Variants in PPP2R5A observed in about 807,000 individuals in gnomAD.
PPP2R5A encodes the protein serine/threonine-protein phosphatase 2A 56 kDa regulatory subunit alpha isoform.
Under a neutral mutation model 64.2 loss-of-function variants are expected in PPP2R5A, and 25 were observed. That is an observed-to-expected ratio of 0.39 (90% CI 0.28 to 0.54). The LOEUF is 0.54. Ranked by LOEUF, PPP2R5A falls within the 20% of genes least tolerant of loss-of-function variation. PPP2R5A has a pLI of 0.67. For synonymous variants in PPP2R5A, 198 were observed against 201.2 expected, an observed-to-expected ratio of 0.98 and a Z score of 0.13; for missense variants, 425 against 576.3, an observed-to-expected ratio of 0.74 and a Z score of 2.69.
Position 212,360,765 on chromosome 1 carries a change from G to A in PPP2R5A, c.1456G>A (p.Glu486Lys), listed in dbSNP as rs752977429. 2.1e-5 allele frequency: 31 copies of A among 1,510,866 alleles called. No individual in the cohort carries two copies. Among genetic ancestry groups the A allele is most frequent in the African/African-American group, 1.1e-4 (8 of 69,880 alleles). 93.6% of individuals were successfully genotyped at this position (1,510,866 alleles called of 1,614,324 possible). Residue 486 changes from glutamate (E) to lysine (K), a missense_variant, in exon 13 of 13, where the codon GAA (glutamate) becomes AAA (lysine). Physicochemically the swap from Glu to Lys is moderately conservative, Grantham distance 56. Around this residue, in one of 4 missense-constraint regions of PPP2R5A, gnomAD observed 177 missense variants for 244.8 expected, o/e 0.72. Transcript: ENST00000261461. Reference protein sequence around the residue: ...MHSILSNTSAE With the variant: ...MHSILSNTSAK ...CAGTATTCTCAGCAATACAAGTGCC[G>A]AATAAAAAAAAAGCCTCCCACCTCT...
intron 1 of PPP2R5A, among the ~76,000 whole-genome samples, chr1:212,287,812 GA>G (rs1290360346): frequency 6.6e-6 from 1 of 151,920 alleles, no homozygotes; most frequent in Non-Finnish European, 1.5e-5. Flanking sequence ...TTATACTACT[GA>G]TTTTTTTTCT....
Position 212,333,993 on chromosome 1 carries a change from C to T in PPP2R5A, c.480+395C>T, listed in dbSNP as rs144201565. On this transcript the variant is annotated intron_variant, in intron 3 of 12. Transcript: ENST00000261461. ...ATCTGCTTTCTGTCTCTGGATTTGCCTATTTTGGATACTTCATATAAGTGA... is the reference window on the plus strand; with the variant it reads ...ATCTGCTTTCTGTCTCTGGATTTGCTTATTTTGGATACTTCATATAAGTGA... 109 of 156,714 alleles carry T rather than the reference C, an allele frequency of 7.0e-4. 2 individuals carry two copies. The highest frequency in any genetic ancestry group is 2.5e-3 in the African/African-American group (106 of 41,742). The allele number at this position is 156,714 out of a possible 1,614,324, so 9.7% of individuals were successfully genotyped here.
At chr1:212,341,033 G>A (rs1659677003) in intron 3 of PPP2R5A, among the ~76,000 whole-genome samples, 2 of 152,064 alleles carry the variant, frequency 1.3e-5, no homozygotes, top group South Asian at 4.1e-4. Flanking sequence ...AATTGATATA[G>A]TATTGTTTAA....
intron 1 of PPP2R5A, among the ~76,000 whole-genome samples, chr1:212,325,060 ATATT>A (rs1357911336): frequency 1.3e-5 from 2 of 152,128 alleles, no homozygotes; most frequent in Admixed American, 6.6e-5. Context: ...CATCAAATAA[ATATT>A]TATTAACTCC....
rs534511713 is a variant in PPP2R5A, at chr1:212,347,169, T to A, written c.705-178T>A. ...CATATGTAGTTCAGTAGGAAACATCTTCTTTTTTAAGATTGATATGAATTA... is the reference window on the plus strand; with the variant it reads ...CATATGTAGTTCAGTAGGAAACATCATCTTTTTTAAGATTGATATGAATTA... On this transcript the variant is annotated intron_variant, in intron 5 of 12. Coordinates refer to ENST00000261461, the MANE Select transcript of PPP2R5A (RefSeq NM_006243.4). Among the ~76,000 whole-genome samples the A allele has an allele frequency of 2.0e-5, 3 of 152,316 alleles. No individual in the cohort carries two copies. The East Asian group carries it at 5.8e-4, about 29-fold the overall frequency.
chr1:212,342,955 C>CT (rs148263039), intron 4 of PPP2R5A, among the ~76,000 whole-genome samples: 23,042 of 148,708 alleles, frequency 0.15, 2,387 homozygotes, highest in East Asian at 0.36. Flanking sequence ...TTAAAGGCCT[C>CT]TTTTTTTTTT....
chr1:212,349,969 A>G (rs1659847055), intron 8 of PPP2R5A, among the ~76,000 whole-genome samples: 1 of 152,238 alleles, frequency 6.6e-6, no homozygotes, highest in Non-Finnish European at 1.5e-5. Context: ...TTCAGTCTAA[A>G]TATTTACCTA....
At chr1:212,320,282 G>T (rs566108796) in intron 1 of PPP2R5A, among the ~76,000 whole-genome samples, 1 of 152,292 alleles carries the variant, frequency 6.6e-6, no homozygotes, top group African/African-American at 2.4e-5. Context: ...AGATCAACGG[G>T]ATCCCAAGGC....
chr1:212,308,995 T>C lies in PPP2R5A; in HGVS notation c.182-20140T>C, dbSNP rs1224853708. 24 of 684,998 alleles carry C rather than the reference T, an allele frequency of 3.5e-5. 2 individuals carry two copies. The East Asian group carries it at 6.0e-4, about 17-fold the overall frequency. 42.4% of individuals were successfully genotyped at this position (684,998 alleles called of 1,614,324 possible). On this transcript the variant is annotated intron_variant, in intron 1 of 12. Coordinates refer to ENST00000261461, the MANE Select transcript of PPP2R5A (RefSeq NM_006243.4). ...TGTAACATTGTCATCATACCTTTCT[T>C]CTTTTTTTATGGTGAAAAGATATAT...
At position 212,347,344 on chromosome 1, in the gene PPP2R5A, C is replaced by T. The variant is rs756601211; in HGVS notation, c.705-3C>T. ...TTACATCTTGTCTTTATTTTAAATT[C>T]AGGTTTATATATGAAACAGAACATT... On this transcript the variant is annotated splice_polypyrimidine_tract_variant and splice_region_variant and intron_variant, in intron 5 of 12. Transcript: ENST00000261461. 5 of 1,553,638 alleles carry T rather than the reference C, an allele frequency of 3.2e-6. No homozygotes were observed. The highest frequency in any genetic ancestry group is 4.4e-6 in the Non-Finnish European group (5 of 1,131,724).
chr1:212,292,784 T>C (rs369302320), intron 1 of PPP2R5A, among the ~76,000 whole-genome samples: 273 of 152,314 alleles, frequency 1.8e-3, no homozygotes, highest in Middle Eastern at 6.8e-3. Context: ...TGGCTGGTCT[T>C]GAACTCCTGG....
chr1:212,333,474 G>A (rs955834451), intron 2 of PPP2R5A, 23 bp from the exon 3 acceptor site: 3 of 1,416,204 alleles, frequency 2.1e-6, no homozygotes, highest in African/African-American at 1.5e-5. Context: ...AACAACGAAC[G>A]TAAAATTATT....
chr1:212,346,044 C>A, intron 5 of PPP2R5A, 111 bp downstream of exon 5: 2 of 1,082,518 alleles, frequency 1.8e-6, no homozygotes, highest in Non-Finnish European at 2.5e-6. Flanking sequence ...CTCTGTCATC[C>A]AGGCTGGAGT....
chr1:212,328,113 C>T (rs925592060), intron 1 of PPP2R5A, among the ~76,000 whole-genome samples: 1 of 152,226 alleles, frequency 6.6e-6, no homozygotes, highest in African/African-American at 2.4e-5. Context: ...CTGTGCCTAG[C>T]CGTTGGTTCC....
intron 1 of PPP2R5A, among the ~76,000 whole-genome samples, chr1:212,318,663 G>T (rs1659204749): frequency 6.6e-6 from 1 of 152,178 alleles, no homozygotes; most frequent in Non-Finnish European, 1.5e-5. Flanking sequence ...ATATCTGTGG[G>T]TTCCACATCT....
Position 212,358,789 on chromosome 1 carries a change from T to TA in PPP2R5A, c.1328+3dup, listed in dbSNP as rs1468289953. ...CTCATACAAAGCTGAAAGACAGAGG[T>TA]ATTTGATATTTTGAATTACAAAATT... On this transcript the variant is annotated splice_region_variant and intron_variant, in intron 12 of 12. Coordinates refer to ENST00000261461, the MANE Select transcript of PPP2R5A (RefSeq NM_006243.4). 1 of 1,605,440 alleles carries TA rather than the reference T, an allele frequency of 6.2e-7. No homozygotes were observed. The highest frequency in any genetic ancestry group is 1.3e-5 in the African/African-American group (1 of 74,672).
intron 1 of PPP2R5A, among the ~76,000 whole-genome samples, chr1:212,314,420 C>T (rs1023009105): frequency 3.3e-5 from 5 of 151,628 alleles, no homozygotes; most frequent in African/African-American, 1.2e-4. Context: ...TTAAAAAACC[C>T]ATCTTAAACT....
chr1:212,312,026 C>G (rs1431027521), intron 1 of PPP2R5A, among the ~76,000 whole-genome samples: 1 of 152,192 alleles, frequency 6.6e-6, no homozygotes, highest in East Asian at 1.9e-4. Flanking sequence ...TCACCACTTA[C>G]TCATCCAGAG....
intron 1 of PPP2R5A, among the ~76,000 whole-genome samples, chr1:212,289,160 A>G (rs1658558348): frequency 6.6e-6 from 1 of 152,252 alleles, no homozygotes; most frequent in East Asian, 1.9e-4. Flanking sequence ...CCTTACATTT[A>G]TATAACATTT....
Sources: allele counts gnomAD v4.1 joint callset (sites outside exome capture counted in the v4.1 genomes callset), GRCh38; gene constraint gnomAD v4.1.1; regional missense constraint gnomAD v4.1.1; transcripts MANE v1.5; gene names NCBI Gene and HGNC (gene_info 2026-07-23, HGNC 2026-07-21).